RAPGEF4: variants seen among roughly 807,000 people sequenced by gnomAD.
RAPGEF4 encodes Rap guanine nucleotide exchange factor 4.
Under a neutral mutation model 147.9 loss-of-function variants are expected in RAPGEF4, and 66 were observed. The observed-to-expected ratio is 0.45, with a 90% confidence interval of 0.37 to 0.55. The LOEUF is 0.55. RAPGEF4 is among the 20% of genes least tolerant of loss of function. RAPGEF4 has a pLI of 0.00. For missense variants in RAPGEF4, 1,071 were observed against 1,257.3 expected (o/e 0.85, Z 2.24); for synonymous variants, 419 against 442.7 (o/e 0.95, Z 0.67).
chr2:172,831,874 C>T (rs1450184015), intron 4 of RAPGEF4, among the ~76,000 whole-genome samples: 4 of 152,178 alleles, frequency 2.6e-5, no homozygotes, highest in Non-Finnish European at 4.4e-5. Context: ...TATGTGTGCA[C>T]TCATCAAGGC....
intron 4 of RAPGEF4, among the ~76,000 whole-genome samples, chr2:172,874,766 A>C (rs1430541384): frequency 1.3e-5 from 2 of 152,172 alleles, no homozygotes; most frequent in Non-Finnish European, 2.9e-5. Flanking sequence ...TATACCCAGT[A>C]ATGGGATGGC....
At chr2:172,902,995 C>A (rs970689097) in intron 4 of RAPGEF4, among the ~76,000 whole-genome samples, 8 of 152,158 alleles carry the variant, frequency 5.3e-5, no homozygotes, top group African/African-American at 1.9e-4. Context: ...TAGAAAAAAT[C>A]ATAATGGAGG....
intron 1 of RAPGEF4, among the ~76,000 whole-genome samples, chr2:172,782,632 CT>C (rs1358724695): frequency 6.6e-6 from 1 of 152,108 alleles, no homozygotes; most frequent in African/African-American, 2.4e-5. Flanking sequence ...CCTTTGCTTA[CT>C]ATGGTGAAAA....
intron 15 of RAPGEF4, among the ~76,000 whole-genome samples, chr2:172,994,239 T>C (rs1024838418): frequency 1.3e-5 from 2 of 152,212 alleles, no homozygotes; most frequent in Non-Finnish European, 2.9e-5. Flanking sequence ...GAAATAAAAC[T>C]CGTTTTCAGA....
At chr2:172,923,583 A>G (rs918683555) in intron 6 of RAPGEF4, among the ~76,000 whole-genome samples, 3 of 152,112 alleles carry the variant, frequency 2.0e-5, no homozygotes, top group African/African-American at 7.2e-5. Flanking sequence ...TGGGTTTAAG[A>G]CCTAGCAGTG....
intron 16 of RAPGEF4, 62 bp from the exon 17 acceptor site, chr2:173,001,204 C>G: frequency 1.2e-6 from 2 of 1,606,066 alleles, no homozygotes; most frequent in Non-Finnish European, 1.7e-6. Flanking sequence ...AATGGATACT[C>G]TTGCTTTCCT....
chr2:172,868,214 G>A (rs1694839687), intron 4 of RAPGEF4, among the ~76,000 whole-genome samples: 1 of 152,048 alleles, frequency 6.6e-6, no homozygotes, highest in South Asian at 2.1e-4. Context: ...AATAATAAAA[G>A]CATGAATTAA....
chr2:172,976,852 C>T (rs1237264264), intron 10 of RAPGEF4, among the ~76,000 whole-genome samples: 2 of 152,202 alleles, frequency 1.3e-5, no homozygotes, highest in Non-Finnish European at 2.9e-5. Flanking sequence ...CTGAGCCCTC[C>T]CATCCTTTAA....
intron 29 of RAPGEF4, among the ~76,000 whole-genome samples, chr2:173,037,338 A>C (rs890755078): frequency 1.3e-5 from 2 of 152,102 alleles, no homozygotes; most frequent in Admixed American, 6.6e-5. Context: ...TTCCTGCCTC[A>C]GCCTCCCTAG....
At position 173,016,364 on chromosome 2, in the gene RAPGEF4, G is replaced by C. The variant is rs745875682; in HGVS notation, c.1825G>C (p.Val609Leu). Residue 609 changes from valine (V) to leucine (L), a missense_variant, in exon 19 of 31, where the codon GTA becomes CTA. By Grantham distance (32) the Val-to-Leu change is conservative. Coordinates refer to ENST00000397081, the MANE Select transcript of RAPGEF4 (RefSeq NM_007023.4). ...CCAATTACAGGAGTTTTATGTATCTGTATCAGATGATGCCCGGATGATTGC... is the reference window on the plus strand; with the variant it reads ...CCAATTACAGGAGTTTTATGTATCTCTATCAGATGATGCCCGGATGATTGC... ...MAFLEEFYVS[V>L]SDDARMIAAL... 6.2e-7 allele frequency: 1 copy of C among 1,613,178 alleles called. No individual in the cohort carries two copies. Among genetic ancestry groups the C allele is most frequent in the South Asian group, 1.1e-5 (1 of 91,050 alleles).
intron 1 of RAPGEF4, among the ~76,000 whole-genome samples, chr2:172,793,608 A>G (rs1040242082): frequency 6.6e-6 from 1 of 152,244 alleles, no homozygotes; most frequent in South Asian, 2.1e-4. Flanking sequence ...TAGTTTCTAT[A>G]TAATGTGAAA....
At chr2:173,021,282 G>A (rs190708652) in intron 23 of RAPGEF4, among the ~76,000 whole-genome samples, 138 of 152,278 alleles carry the variant, frequency 9.1e-4, no homozygotes, top group Admixed American at 1.6e-3. Flanking sequence ...CTTTTAAGTC[G>A]GTGGTAGCAT....
At chr2:172,735,677 A>C (rs1358591774), upstream of RAPGEF4, among the ~76,000 whole-genome samples, 3 of 151,492 alleles carry the variant, frequency 2.0e-5, no homozygotes, top group South Asian at 2.1e-4. Flanking sequence ...AGTGTCCCCC[A>C]GCAGCGGGAC....
chr2:172,984,769 C>T (rs968649796), intron 11 of RAPGEF4, among the ~76,000 whole-genome samples: 1 of 152,146 alleles, frequency 6.6e-6, no homozygotes, highest in Non-Finnish European at 1.5e-5. Flanking sequence ...ATGTCCCGAT[C>T]CGACTTCCCT....
intron 4 of RAPGEF4, among the ~76,000 whole-genome samples, chr2:172,886,693 T>G (rs1291024734): frequency 6.6e-6 from 1 of 151,250 alleles, no homozygotes; most frequent in Non-Finnish European, 1.5e-5. Context: ...TCTACTGTCA[T>G]GTTCACTAGG....
chr2:173,034,324 T>A (rs959916819), intron 27 of RAPGEF4, among the ~76,000 whole-genome samples: 4 of 152,118 alleles, frequency 2.6e-5, no homozygotes, highest in Non-Finnish European at 4.4e-5. Context: ...AGGAGTGAGT[T>A]GGGCTCGCCG....
intron 4 of RAPGEF4, among the ~76,000 whole-genome samples, chr2:172,851,006 C>T (rs534934883): frequency 2.6e-5 from 4 of 152,092 alleles, no homozygotes; most frequent in Non-Finnish European, 5.9e-5. Flanking sequence ...TTCACTCTTG[C>T]TTTTCTAGTT....
chr2:172,988,107 G>T, intron 12 of RAPGEF4, 89 bp from the exon 13 acceptor site: 1 of 1,434,762 alleles, frequency 7.0e-7, no homozygotes. Context: ...CATATTTTCT[G>T]GGGACTTAAA....
intron 1 of RAPGEF4, among the ~76,000 whole-genome samples, chr2:172,739,363 GT>G (rs908889419): frequency 2.8e-4 from 41 of 148,180 alleles, no homozygotes; most frequent in African/African-American, 9.8e-4. Flanking sequence ...CATTGTTTAA[GT>G]TTTTTTGTTT....
Sources: allele counts gnomAD v4.1 joint callset (sites outside exome capture counted in the v4.1 genomes callset), GRCh38; gene constraint gnomAD v4.1.1; transcripts MANE v1.5; gene names NCBI Gene and HGNC (gene_info 2026-07-23, HGNC 2026-07-21).